KDM6A: variants seen among roughly 807,000 people sequenced by gnomAD.
KDM6A encodes the protein lysine demethylase 6A.
Under a neutral mutation model 117.6 loss-of-function variants are expected in KDM6A, and 11 were observed. The ratio of observed to expected loss-of-function variants is 0.09; its 90% CI spans 0.06 to 0.15. The LOEUF (loss-of-function observed/expected upper bound fraction) is 0.15. Ranked by LOEUF, KDM6A falls within the 10% of genes least tolerant of loss-of-function variation. KDM6A has a pLI of 1.00. For missense variants in KDM6A, 799 were observed against 1,077.3 expected (o/e 0.74, Z 3.62); for synonymous variants, 384 against 396.1 (o/e 0.97, Z 0.36).
At chrX:45,053,783 A>T (rs1456517389) in intron 9 of KDM6A, 46 bp from the exon 10 acceptor site, 1 of 1,023,853 alleles carries the variant, frequency 9.8e-7, no homozygotes, top group Non-Finnish European at 1.4e-6. Flanking sequence ...AACATAGAAG[A>T]ACAATTAAGT....
rs1184918262 is a variant in KDM6A, at chrX:44,965,120, G to A, written c.334+3728G>A. ...TCTGCTAGCTTTACACTTTTCTTCT[G>A]CAGCTTCTTCACTTCTCTTGGCCTT... On this transcript the variant is annotated intron_variant, in intron 3 of 29. Coordinates refer to ENST00000611820, the MANE Select transcript of KDM6A (RefSeq NM_001291415.2). Among the ~76,000 whole-genome samples the A allele has an allele frequency of 2.7e-5, 3 of 112,024 alleles. No individual in the cohort carries two copies. In the East Asian group the frequency reaches 8.4e-4, roughly 31 times the overall value.
chrX:44,997,677 G>A (rs61172630), intron 4 of KDM6A, among the ~76,000 whole-genome samples: 18,737 of 110,843 alleles, frequency 0.17, 2,346 homozygotes, highest in African/African-American at 0.44. Flanking sequence ...ATCATTTAAA[G>A]GGACCACACT....
At chrX:45,040,803 C>T (rs2043114320) in intron 8 of KDM6A, among the ~76,000 whole-genome samples, 2 of 77,439 alleles carry the variant, frequency 2.6e-5, no homozygotes, top group Non-Finnish European at 5.0e-5. Context: ...CCGGACGGGG[C>T]GGCTGGCCGG....
chrX:45,031,960 G>A (rs1361308179), intron 6 of KDM6A, among the ~76,000 whole-genome samples: 1 of 109,630 alleles, frequency 9.1e-6, no homozygotes, highest in Non-Finnish European at 1.9e-5. Flanking sequence ...GATGTCAACA[G>A]AAATAGTAAT....
chrX:45,046,782 T>G (rs369272425), intron 8 of KDM6A, among the ~76,000 whole-genome samples: 2 of 111,751 alleles, frequency 1.8e-5, no homozygotes, highest in East Asian at 5.6e-4. Flanking sequence ...AAAAATGTGG[T>G]ACTGGCATGT....
At chrX:44,892,471 G>T (rs2033445489) in intron 2 of KDM6A, among the ~76,000 whole-genome samples, 1 of 107,859 alleles carries the variant, frequency 9.3e-6, no homozygotes, top group Non-Finnish European at 1.9e-5. Context: ...GGTGGATCAC[G>T]AGGTCAGGAG....
At chrX:45,001,618 A>G (rs112023035) in intron 4 of KDM6A, among the ~76,000 whole-genome samples, 20 of 112,060 alleles carry the variant, frequency 1.8e-4, no homozygotes, top group Non-Finnish European at 3.2e-4. Flanking sequence ...ATCAAATGCA[A>G]TAGTTTGAGG....
rs749222355 is a variant in KDM6A, at chrX:45,052,220, G to A, written c.748+418G>A. On this transcript the variant is annotated intron_variant, in intron 9 of 29. Transcript: ENST00000611820. ...GAACGTCTAACACTGTGAGCATGCA[G>A]TTCTATTCTAATGTGGGACATGAGG... is the stretch of plus-strand genomic sequence containing the variant. 2.7e-5 allele frequency among the ~76,000 whole-genome samples: 3 copies of A among 112,152 alleles called. No homozygotes were observed. In the East Asian group the frequency reaches 8.3e-4, roughly 31 times the overall value.
chrX:44,941,351 G>C (rs753569736), intron 2 of KDM6A, among the ~76,000 whole-genome samples: 1 of 111,415 alleles, frequency 9.0e-6, no homozygotes, highest in Non-Finnish European at 1.9e-5. Flanking sequence ...AGCTGACTTA[G>C]GGATTACAGC....
chrX:44,999,253 C>T (rs1394983048), intron 4 of KDM6A, among the ~76,000 whole-genome samples: 1 of 112,218 alleles, frequency 8.9e-6, no homozygotes. Flanking sequence ...CAAAGTACTT[C>T]TATAGAAGGG....
chrX:45,063,770 A>G lies in KDM6A; in HGVS notation c.2032A>G (p.Ser678Gly). 4 of 1,206,102 alleles carry G rather than the reference A, an allele frequency of 3.3e-6. No homozygotes were observed. Among genetic ancestry groups the G allele is most frequent in the Non-Finnish European group, 4.5e-6 (4 of 892,278 alleles). Residue 678 changes from serine to glycine, a missense_variant, in exon 17 of 30, where the codon AGC (serine) becomes GGC (glycine). Coordinates refer to ENST00000611820, the MANE Select transcript of KDM6A (RefSeq NM_001291415.2). Reference sequence around the variant, plus strand: ...ACCTCATAACCGCACAAACCTGACCAGCAGCGCAGAGGAGCCGTGGAAAAA... The same window carrying G: ...ACCTCATAACCGCACAAACCTGACCGGCAGCGCAGAGGAGCCGTGGAAAAA... ...TLPHNRTNLT[S>G]SAEEPWKNQL...
In KDM6A at chrX:45,047,376, T is replaced by C. The variant is rs779424568; in HGVS notation, c.655-4333T>C. 5.5e-5 allele frequency among the ~76,000 whole-genome samples: 6 copies of C among 109,479 alleles called. No individual in the cohort carries two copies. The East Asian group carries it at 1.4e-3, about 26-fold the overall frequency. Reference sequence around the variant, plus strand: ...CTCAAACATCTTAGATGCTTTCTTTTTTTTTTTTTAACTTTTAACTTTTGT... The same window carrying C: ...CTCAAACATCTTAGATGCTTTCTTTCTTTTTTTTTAACTTTTAACTTTTGT... On this transcript the variant is annotated intron_variant, in intron 8 of 29. Coordinates refer to ENST00000611820, the MANE Select transcript of KDM6A (RefSeq NM_001291415.2).
intron 17 of KDM6A, among the ~76,000 whole-genome samples, 174 bp downstream of exon 17, chrX:45,063,991 G>A (rs2044418315): frequency 9.0e-6 from 1 of 111,718 alleles, no homozygotes; most frequent in Non-Finnish European, 1.9e-5. Context: ...GTATATCTTT[G>A]TTCCCTTTGT....
intron 2 of KDM6A, among the ~76,000 whole-genome samples, chrX:44,922,865 T>G (rs1213759841): frequency 8.9e-6 from 1 of 112,252 alleles, no homozygotes; most frequent in Admixed American, 9.4e-5. Flanking sequence ...TTTCTATTGC[T>G]TTTTATGCCT....
At chrX:45,094,077 A>T (rs945995528) in intron 27 of KDM6A, among the ~76,000 whole-genome samples, 11 of 111,529 alleles carry the variant, frequency 9.9e-5, no homozygotes, top group Admixed American at 6.7e-4. Context: ...TTGCTTTATA[A>T]GCCTCCCTTT....
chrX:45,079,553 G>C (rs1208560045), intron 21 of KDM6A, among the ~76,000 whole-genome samples: 3 of 111,307 alleles, frequency 2.7e-5, no homozygotes, highest in African/African-American at 9.8e-5. Flanking sequence ...ACGTACGTAT[G>C]TGTATTTTGA....
chrX:45,067,653 G>GTTTT (rs1192862756), intron 17 of KDM6A, among the ~76,000 whole-genome samples: 1 of 83,303 alleles, frequency 1.2e-5, no homozygotes, highest in Non-Finnish European at 2.3e-5. Context: ...TCTTTTTTTT[G>GTTTT]TTTTTTTTTT....
chrX:44,930,097 A>G (rs1419977180), intron 2 of KDM6A, among the ~76,000 whole-genome samples: 2 of 111,206 alleles, frequency 1.8e-5, no homozygotes, highest in African/African-American at 3.3e-5. Flanking sequence ...TGTCATTTGT[A>G]TATCTTCTTT....
intron 2 of KDM6A, among the ~76,000 whole-genome samples, chrX:44,877,979 A>G (rs757455968): frequency 9.0e-6 from 1 of 111,459 alleles, no homozygotes; most frequent in Admixed American, 9.6e-5. Flanking sequence ...GGAAATTATT[A>G]GGTCAGTTCT....
Sources: allele counts gnomAD v4.1 joint callset (sites outside exome capture counted in the v4.1 genomes callset), GRCh38; gene constraint gnomAD v4.1.1; transcripts MANE v1.5; gene names NCBI Gene and HGNC (gene_info 2026-07-23, HGNC 2026-07-21).